TMF1: variants seen among roughly 807,000 people sequenced by gnomAD.
TMF1 encodes the protein TATA element modulatory factor.
In TMF1, 71 loss-of-function variants were observed where a neutral mutation model predicts 126.5. That is an observed-to-expected ratio of 0.56 (90% confidence interval 0.46 to 0.68). The LOEUF (loss-of-function observed/expected upper bound fraction) is 0.68, where lower values mean the gene tolerates loss of function less well. Ranked by LOEUF, TMF1 falls within the 30% of genes least tolerant of loss-of-function variation. TMF1 has a pLI of 0.00. For synonymous variants in TMF1, 461 were observed against 430.5 expected, an observed-to-expected ratio of 1.07 and a Z score of -0.88; for missense variants, 1,259 against 1,253.2, an observed-to-expected ratio of 1.00 and a Z score of -0.07.
intron 8 of TMF1, 81 bp from the exon 9 acceptor site, chr3:69,035,196 G>C (rs562061695): frequency 1.7e-6 from 2 of 1,162,726 alleles, no homozygotes; most frequent in African/African-American, 1.5e-5. Flanking sequence ...ATTTTGTGTT[G>C]TGTCAACATT....
chr3:69,024,823 T>TTC (rs10681795), intron 15 of TMF1: 1 of 145,694 alleles, frequency 6.9e-6, no homozygotes, highest in Non-Finnish European at 1.5e-5. Flanking sequence ...TTTTTTTTTT[T>TTC]CAGATTATGG....
Position 69,035,127 on chromosome 3 carries a change from G to C in TMF1, c.2152-12C>G. 1 of 1,605,166 alleles carries C rather than the reference G, an allele frequency of 6.2e-7. No homozygotes were observed. ...CTAAGGTCCCCCACCTGTAGGAGGA[G>C]AAACAATACATTCACAAACAATGGT... On this transcript the variant is annotated splice_polypyrimidine_tract_variant and intron_variant, in intron 8 of 16. Transcript: ENST00000398559.
In TMF1 at chr3:69,025,706, A is replaced by G; in HGVS notation, c.2866T>C (p.Ser956Pro). ...LQTSFLSQDE[S>P]HDHSFGPMPI... ...ATTGGTCCAAATGAGTGATCATGAGACTCATCCTATGTTAATTAAGAAAGT... is the reference window on the plus strand; with the variant it reads ...ATTGGTCCAAATGAGTGATCATGAGGCTCATCCTATGTTAATTAAGAAAGT... The change falls in exon 15 of 17, where the codon TCT becomes CCT. Residue 956 changes from serine to proline, a missense_variant. Ser to Pro is a moderately conservative substitution (Grantham distance 74). Coordinates refer to ENST00000398559, the MANE Select transcript of TMF1 (RefSeq NM_007114.3). 1 of 1,612,610 alleles carries G rather than the reference A, an allele frequency of 6.2e-7. No individual in the cohort carries two copies. The highest frequency in any genetic ancestry group is 8.5e-7 in the Non-Finnish European group (1 of 1,179,598).
At chr3:69,028,127 G>T (rs184452275) in intron 12 of TMF1, 99 bp downstream of exon 12, 4 of 1,179,868 alleles carry the variant, frequency 3.4e-6, no homozygotes, top group Non-Finnish European at 5.0e-6. Context: ...AAAAGCAGTG[G>T]CATCACCCAT....
chr3:69,040,954 G>A (rs186888901), intron 5 of TMF1, among the ~76,000 whole-genome samples: 19 of 151,428 alleles, frequency 1.3e-4, no homozygotes, highest in South Asian at 6.3e-4. Flanking sequence ...TGGGGCACGC[G>A]GAAACAATAT....
Position 69,052,007 on chromosome 3 carries a change from A to C in TMF1, c.80T>G (p.Val27Gly). The C allele has an allele frequency of 6.2e-7, 1 of 1,613,924 alleles. No individual in the cohort carries two copies. ...CGGCTCCTCTTCCTGGATGTCCAGA[A>C]CCCTGTCAATAGACTTCTGGGCCTG... ...LSQAQKSIDR[V>G]LDIQEEEPSI... is the part of the protein sequence containing the mutation. The change falls in exon 1 of 17, where the codon GTT (valine) becomes GGT (glycine). Residue 27 changes from valine (V) to glycine (G), a missense_variant. Physicochemically the swap from Val to Gly is moderately radical, Grantham distance 109. Transcript: ENST00000398559.
intron 15 of TMF1, 80 bp downstream of exon 15, chr3:69,025,480 T>G: frequency 7.4e-7 from 1 of 1,360,206 alleles, no homozygotes; most frequent in Admixed American, 2.2e-5. Flanking sequence ...TTGCTCAGAA[T>G]TCAGATGGAA....
In TMF1 at chr3:69,047,432, C is replaced by G; in HGVS notation, c.1273G>C (p.Asp425His). The change falls in exon 2 of 17, where the codon GAC (aspartate) becomes CAC (histidine). Residue 425 changes from aspartate to histidine, a missense_variant. Asp to His is a moderately conservative substitution (Grantham distance 81). Transcript: ENST00000398559. ...TPINEGQTVL[D>H]KVAEQCEPAE... Reference sequence around the variant, plus strand: ...GGTTCACACTGCTCAGCCACCTTGTCTAACACAGTCTGTCCTTCATTTATT... The same window carrying G: ...GGTTCACACTGCTCAGCCACCTTGTGTAACACAGTCTGTCCTTCATTTATT... The G allele has an allele frequency of 6.2e-7, 1 of 1,614,146 alleles. No homozygotes were observed. The highest frequency in any genetic ancestry group is 8.5e-7 in the Non-Finnish European group (1 of 1,180,000).
chr3:69,041,691 T>C (rs1000532619), intron 5 of TMF1, among the ~76,000 whole-genome samples: 4 of 152,128 alleles, frequency 2.6e-5, no homozygotes, highest in South Asian at 4.1e-4. Context: ...AGAAGGAAGA[T>C]TGGAAATTAA....
At chr3:69,025,844 G>A in intron 14 of TMF1, 132 bp from the exon 15 acceptor site, 1 of 1,187,388 alleles carries the variant, frequency 8.4e-7, no homozygotes, top group Non-Finnish European at 1.2e-6. Context: ...TCATTCACGT[G>A]TTTCCTCTCA....
At chr3:69,039,401 TA>T in intron 6 of TMF1, 149 bp downstream of exon 6, 2 of 925,742 alleles carry the variant, frequency 2.2e-6, no homozygotes, top group Non-Finnish European at 3.1e-6. Flanking sequence ...CCCACTCGGC[TA>T]AAAAATCTTA....
Position 69,042,784 on chromosome 3 carries a change from A to C in TMF1, c.1684+23T>G, listed in dbSNP as rs779900492. On this transcript the variant is annotated intron_variant, in intron 5 of 16. Transcript: ENST00000398559. ...TTCCTGTTCTTACAGTATTTTTCAT[A>C]GTCAACCAAATACTATACGCACCTT... 1.9e-6 allele frequency: 3 copies of C among 1,576,330 alleles called. No individual in the cohort carries two copies. The Middle Eastern group carries it at 5.0e-4, about 265-fold the overall frequency.
Position 69,038,553 on chromosome 3 carries a change from C to T in TMF1, c.2151+11G>A. ...TTTTAAAACTACTCTAATTCATCATCCATTGCTTACTTGAATGGCTAATGT... is the reference window on the plus strand; with the variant it reads ...TTTTAAAACTACTCTAATTCATCATTCATTGCTTACTTGAATGGCTAATGT... On this transcript the variant is annotated intron_variant, in intron 8 of 16. Transcript: ENST00000398559. 2.5e-6 allele frequency: 4 copies of T among 1,609,702 alleles called. No homozygotes were observed. The highest frequency in any genetic ancestry group is 3.4e-6 in the Non-Finnish European group (4 of 1,178,528).
At position 69,025,693 on chromosome 3, in the gene TMF1, G is replaced by A. The variant is rs772589382; in HGVS notation, c.2879C>T (p.Ser960Leu). 1.9e-6 allele frequency: 3 copies of A among 1,613,708 alleles called. No homozygotes were observed. Among genetic ancestry groups the A allele is most frequent in the Non-Finnish European group, 2.5e-6 (3 of 1,179,854 alleles). Reference sequence around the variant, plus strand: ...TGCTGATATAGGCATTGGTCCAAATGAGTGATCATGAGACTCATCCTATGT... The same window carrying A: ...TGCTGATATAGGCATTGGTCCAAATAAGTGATCATGAGACTCATCCTATGT... ...FLSQDESHDH[S>L]FGPMPISANG... is the part of the protein sequence containing the mutation. Residue 960 changes from serine (S) to leucine (L), a missense_variant, in exon 15 of 17, where the codon TCA becomes TTA. Ser to Leu is a moderately radical substitution (Grantham distance 145). Transcript: ENST00000398559.
chr3:69,044,654 C>A, intron 2 of TMF1, 59 bp from the exon 3 acceptor site: 1 of 1,058,008 alleles, frequency 9.5e-7, no homozygotes, highest in Non-Finnish European at 1.4e-6. Flanking sequence ...ACCATTTTTA[C>A]ATGCAGGTGT....
chr3:69,038,788 C>G, intron 7 of TMF1, 55 bp downstream of exon 7: 8 of 1,585,138 alleles, frequency 5.0e-6, no homozygotes, highest in Non-Finnish European at 6.9e-6. Flanking sequence ...ATTTCTTCAA[C>G]ATCCTACTCT....
At chr3:69,043,171 A>C (rs1361904910) in intron 4 of TMF1, among the ~76,000 whole-genome samples, 1 of 151,956 alleles carries the variant, frequency 6.6e-6, no homozygotes, top group African/African-American at 2.4e-5. Context: ...TTTCCTTTTC[A>C]TTTTTATTTT....
At chr3:69,024,791 G>A (rs958179055) in intron 15 of TMF1, 2 of 114,692 alleles carry the variant, frequency 1.7e-5, no homozygotes, top group African/African-American at 6.6e-5. Flanking sequence ...GACCAGGAAT[G>A]TTTCAAATTT....
chr3:69,032,188 C>G (rs1240970412), intron 10 of TMF1, among the ~76,000 whole-genome samples: 1 of 152,124 alleles, frequency 6.6e-6, no homozygotes, highest in African/African-American at 2.4e-5. Context: ...TCAAGCTTCC[C>G]TCTCACCATG....
Sources: gnomAD v4.1 joint callset for allele counts (sites outside exome capture counted in the v4.1 genomes callset) on GRCh38, gnomAD v4.1.1 for gene constraint, MANE v1.5 for transcripts, NCBI Gene and HGNC (gene_info 2026-07-23, HGNC 2026-07-21) for gene names.